The following SPN variants were observed in gnomAD, a reference collection of about 807,000 sequenced individuals.
SPN encodes the protein sialophorin.
A neutral mutation model predicts 8.4 loss-of-function variants in SPN; 6 were observed. That is an observed-to-expected ratio of 0.72 (90% CI 0.39 to 1.42). The LOEUF is 1.42. SPN is among the 40% of genes most tolerant of loss of function. The pLI is 0.02. For synonymous variants in SPN, 201 were observed against 222.6 expected (o/e 0.90, Z 0.86); for missense variants, 517 against 530.6 (o/e 0.97, Z 0.25).
rs202057074 is a variant in SPN, at chr16:29,663,756, G to A, written c.28G>A (p.Val10Met). The A allele has an allele frequency of 1.3e-6, 2 of 1,594,384 alleles. No homozygotes were observed. Among genetic ancestry groups the A allele is most frequent in the African/African-American group, 2.7e-5 (2 of 74,262 alleles). Residue 10 changes from valine to methionine, a missense_variant, in exon 2 of 2, where the codon GTG (valine) becomes ATG (methionine). By Grantham distance (21) the Val-to-Met change is conservative. Coordinates refer to ENST00000652691, the MANE Select transcript of SPN (RefSeq NM_003123.6). The surrounding 1 kb of genome is among the most constrained non-coding windows in gnomAD (Gnocchi z 4.3). ...GGCCACGCTTCTCCTTCTCCTTGGG[G>A]TGCTGGTGGTAAGCCCAGACGCTCT... is the stretch of plus-strand genomic sequence containing the variant. MATLLLLLG[V>M]LVVSPDALGS...
chr16:29,667,152 T>C lies in SPN; in HGVS notation c.*2221T>C, dbSNP rs991213420. ...TCTACCAGCCAGGCTGGGCACCCACTGGGCTGCATCTGGTGGCCTTTTCTG... is the reference window on the plus strand; with the variant it reads ...TCTACCAGCCAGGCTGGGCACCCACCGGGCTGCATCTGGTGGCCTTTTCTG... On this transcript the variant is annotated 3_prime_UTR_variant, in exon 2 of 2. Transcript: ENST00000652691. 17 of 402,676 alleles carry C rather than the reference T, an allele frequency of 4.2e-5. No homozygotes were observed. Among genetic ancestry groups the C allele is most frequent in the South Asian group, 2.9e-4 (16 of 55,888 alleles). 24.9% of individuals were successfully genotyped at this position (402,676 alleles called of 1,614,324 possible).
At position 29,665,086 on chromosome 16, in the gene SPN, C is replaced by T. The variant is rs374693741; in HGVS notation, c.*155C>T. ...TTTTTTTTCTTTTGAGACAGAGTTT[C>T]GCTTTGTCGCCCAGGCTGGAGTGCA... On this transcript the variant is annotated 3_prime_UTR_variant, in exon 2 of 2. Coordinates refer to ENST00000652691, the MANE Select transcript of SPN (RefSeq NM_003123.6). 17 of 900,012 alleles carry T rather than the reference C, an allele frequency of 1.9e-5. No individual in the cohort carries two copies. Among genetic ancestry groups the T allele is most frequent in the East Asian group, 6.6e-5 (2 of 30,136 alleles). The allele number at this position is 900,012 out of a possible 1,614,324, so 55.8% of individuals were successfully genotyped here.
chr16:29,664,349 G>A lies in SPN; in HGVS notation c.621G>A (p.Met207Ile), dbSNP rs879167394. ...GGACCACTGGACCCCCTGTTACCAT[G>A]ACAACTGGCTCTCTGGAGCCCTCCA... ...STGTTGPPVT[M>I]TTGSLEPSSG... Residue 207 changes from methionine (M) to isoleucine (I), a missense_variant, in exon 2 of 2, where the codon ATG (methionine) becomes ATA (isoleucine). Met to Ile is a conservative substitution (Grantham distance 10). Transcript: ENST00000652691. The surrounding 1 kb of genome is among the most constrained non-coding windows in gnomAD (Gnocchi z 6.4). 2 of 1,613,508 alleles carry A rather than the reference G, an allele frequency of 1.2e-6. No homozygotes were observed. The highest frequency in any genetic ancestry group is 1.1e-5 in the South Asian group (1 of 91,084).
In SPN at chr16:29,664,016, G is replaced by A. The variant is rs1243184337; in HGVS notation, c.288G>A (p.Gln96=). The change falls in exon 2 of 2, where the codon CAG becomes CAA. Residue 96 remains glutamine (Q), a synonymous_variant. Coordinates refer to ENST00000652691, the MANE Select transcript of SPN (RefSeq NM_003123.6). The surrounding 1 kb of genome is among the most constrained non-coding windows in gnomAD (Gnocchi z 6.4). ...CTTTACCTGAGCCAACAACCTACCA[G>A]GAAGTTTCCATCAAGATGTCATCAG... The part of the protein sequence containing the change: ...GSPLPEPTTY[Q]EVSIKMSSVP... 2.5e-6 allele frequency: 4 copies of A among 1,614,034 alleles called. No homozygotes were observed. The highest frequency in any genetic ancestry group is 3.4e-6 in the Non-Finnish European group (4 of 1,180,014).
Position 29,666,459 on chromosome 16 carries a change from C to A in SPN, c.*1528C>A, listed in dbSNP as rs1966810284. ...AGTTCTTCAGCTCAGCCATGGTAATCCCTTCCTTGAAGTCTCCATTTCTGC... is the reference window on the plus strand; with the variant it reads ...AGTTCTTCAGCTCAGCCATGGTAATACCTTCCTTGAAGTCTCCATTTCTGC... On this transcript the variant is annotated 3_prime_UTR_variant, in exon 2 of 2. Coordinates refer to ENST00000652691, the MANE Select transcript of SPN (RefSeq NM_003123.6). 1 of 169,338 alleles carries A rather than the reference C, an allele frequency of 5.9e-6. No homozygotes were observed. The highest frequency in any genetic ancestry group is 1.9e-4 in the East Asian group (1 of 5,190). The allele number at this position is 169,338 out of a possible 1,614,324, so 10.5% of individuals were successfully genotyped here.
In SPN at chr16:29,667,477, G is replaced by A. The variant is rs1966830886; in HGVS notation, c.*2546G>A. The A allele has an allele frequency of 5.7e-6, 1 of 174,002 alleles. No homozygotes were observed. The highest frequency in any genetic ancestry group is 1.4e-5 in the Non-Finnish European group (1 of 71,810). 10.8% of individuals were successfully genotyped at this position (174,002 alleles called of 1,614,324 possible). A position where few individuals can be genotyped will look rare whatever the true frequency, so the allele number is the denominator to read the frequency against. On this transcript the variant is annotated 3_prime_UTR_variant, in exon 2 of 2. Transcript: ENST00000652691. ...CAATCCAGAAAATATCAAAATATAAGTGTTAAAAGAGAGGCACAGGCCGGG... is the reference window on the plus strand; with the variant it reads ...CAATCCAGAAAATATCAAAATATAAATGTTAAAAGAGAGGCACAGGCCGGG...
Position 29,670,637 on chromosome 16 carries a change from A to G in SPN, c.*5706A>G, listed in dbSNP as rs1966848210. ...GTAATGACTTTGGAAAATACCAGCA[A>G]TATAATGTTAAGTGGGGAAAAAAGC... is the stretch of plus-strand genomic sequence containing the variant. On this transcript the variant is annotated 3_prime_UTR_variant, in exon 2 of 2. Transcript: ENST00000652691. 1 of 389,562 alleles carries G rather than the reference A, an allele frequency of 2.6e-6. No homozygotes were observed. Among genetic ancestry groups the G allele is most frequent in the Non-Finnish European group, 5.2e-6 (1 of 193,534 alleles). 24.1% of individuals were successfully genotyped at this position (389,562 alleles called of 1,614,324 possible).
chr16:29,664,498 C>T lies in SPN; in HGVS notation c.770C>T (p.Pro257Leu). ...NPDENSRGML[P>L]VAVLVALLAV... ...GATGAGAACTCACGAGGCATGCTGC[C>T]AGTGGCTGTGCTTGTGGCCCTGCTG... The change falls in exon 2 of 2, where the codon CCA becomes CTA. Residue 257 changes from proline (P) to leucine (L), a missense_variant. Coordinates refer to ENST00000652691, the MANE Select transcript of SPN (RefSeq NM_003123.6). The surrounding 1 kb of genome is among the most constrained non-coding windows in gnomAD (Gnocchi z 6.4). 1 of 1,614,248 alleles carries T rather than the reference C, an allele frequency of 6.2e-7. No homozygotes were observed. The highest frequency in any genetic ancestry group is 8.5e-7 in the Non-Finnish European group (1 of 1,180,042).
At position 29,669,979 on chromosome 16, in the gene SPN, G is replaced by A. The variant is rs947694070; in HGVS notation, c.*5048G>A. The A allele has an allele frequency of 6.0e-6, 1 of 166,978 alleles. No individual in the cohort carries two copies. Among genetic ancestry groups the A allele is most frequent in the Non-Finnish European group, 1.5e-5 (1 of 68,188 alleles). 10.3% of individuals were successfully genotyped at this position (166,978 alleles called of 1,614,324 possible). ...GGCTGAGGCGGGCAGATCACCTGAGGTCAGGAGTTGGAGACCAGCCTGGGC... is the reference window on the plus strand; with the variant it reads ...GGCTGAGGCGGGCAGATCACCTGAGATCAGGAGTTGGAGACCAGCCTGGGC... On this transcript the variant is annotated 3_prime_UTR_variant, in exon 2 of 2. Transcript: ENST00000652691.
At position 29,670,632 on chromosome 16, in the gene SPN, C is replaced by T; in HGVS notation, c.*5701C>T. On this transcript the variant is annotated 3_prime_UTR_variant, in exon 2 of 2. Transcript: ENST00000652691. ...ATTATGTAATGACTTTGGAAAATACCAGCAATATAATGTTAAGTGGGGAAA... is the reference window on the plus strand; with the variant it reads ...ATTATGTAATGACTTTGGAAAATACTAGCAATATAATGTTAAGTGGGGAAA... 5 of 353,136 alleles carry T rather than the reference C, an allele frequency of 1.4e-5. No homozygotes were observed. The highest frequency in any genetic ancestry group is 2.1e-5 in the South Asian group (1 of 47,854). The allele number at this position is 353,136 out of a possible 1,614,324, so 21.9% of individuals were successfully genotyped here.
At position 29,664,712 on chromosome 16, in the gene SPN, T is replaced by C. The variant is rs77460663; in HGVS notation, c.984T>C (p.Ser328=). The C allele has an allele frequency of 3.4e-6, 5 of 1,480,170 alleles. No homozygotes were observed. The highest frequency in any genetic ancestry group is 1.4e-5 in the African/African-American group (1 of 70,916). 91.7% of individuals were successfully genotyped at this position (1,480,170 alleles called of 1,614,324 possible). A position where few individuals can be genotyped will look rare whatever the true frequency, so the allele number is the denominator to read the frequency against. ...GAGGGTCCGGGGGCGACAAGGGCTC[T>C]GGGTTCCCCGATGGGGAGGGGTCTA... ...TVGGSGGDKG[S]GFPDGEGSSR... Residue 328 remains serine (S), a synonymous_variant, in exon 2 of 2, where the codon TCT becomes TCC. Coordinates refer to ENST00000652691, the MANE Select transcript of SPN (RefSeq NM_003123.6). This position sits in a 1 kb window ranked among gnomAD's most constrained non-coding sequence, Gnocchi z 6.4.
Position 29,665,948 on chromosome 16 carries a change from G to A in SPN, c.*1017G>A, listed in dbSNP as rs962551764. ...CCAGAGGCCTCACGGTTTCTCCTCC[G>A]AGTTTCTGGCTGGGTGTAGTTCTCA... is the stretch of plus-strand genomic sequence containing the variant. On this transcript the variant is annotated 3_prime_UTR_variant, in exon 2 of 2. Coordinates refer to ENST00000652691, the MANE Select transcript of SPN (RefSeq NM_003123.6). 7 of 167,154 alleles carry A rather than the reference G, an allele frequency of 4.2e-5. No individual in the cohort carries two copies. Among genetic ancestry groups the A allele is most frequent in the Admixed American group, 1.3e-4 (2 of 15,272 alleles). 10.4% of individuals were successfully genotyped at this position (167,154 alleles called of 1,614,324 possible). A position where few individuals can be genotyped will look rare whatever the true frequency, so the allele number is the denominator to read the frequency against.
rs1227126096 is a variant in SPN, at chr16:29,668,013, T to A, written c.*3082T>A. On this transcript the variant is annotated 3_prime_UTR_variant, in exon 2 of 2. Transcript: ENST00000652691. ...GTGCGCGCATGTGTGTGTGCATGCA[T>A]GTTCTCCCATGCATGTGTACTGTGG... 1 of 167,076 alleles carries A rather than the reference T, an allele frequency of 6.0e-6. No individual in the cohort carries two copies. The allele number at this position is 167,076 out of a possible 1,614,324, so 10.3% of individuals were successfully genotyped here. A position where few individuals can be genotyped will look rare whatever the true frequency, so the allele number is the denominator to read the frequency against.
In SPN at chr16:29,666,986, C is replaced by T. The variant is rs2142283688; in HGVS notation, c.*2055C>T. 1 of 470,848 alleles carries T rather than the reference C, an allele frequency of 2.1e-6. No individual in the cohort carries two copies. Among genetic ancestry groups the T allele is most frequent in the African/African-American group, 2.0e-5 (1 of 50,182 alleles). The allele number at this position is 470,848 out of a possible 1,614,324, so 29.2% of individuals were successfully genotyped here. ...AGGGGAGGCATGTGAGTGTGACAGCCCTGCTCTGTGGCCTGGGCAGGAGAT... is the reference window on the plus strand; with the variant it reads ...AGGGGAGGCATGTGAGTGTGACAGCTCTGCTCTGTGGCCTGGGCAGGAGAT... On this transcript the variant is annotated 3_prime_UTR_variant, in exon 2 of 2. Coordinates refer to ENST00000652691, the MANE Select transcript of SPN (RefSeq NM_003123.6).
chr16:29,670,490 G>GA lies in SPN; in HGVS notation c.*5566dup. Reference sequence around the variant, plus strand: ...GGCGACAGAGCAAGACTCCGTCTTGGAAAAAAATTTAAAAAAAGAAAATAT... The same window carrying GA: ...GGCGACAGAGCAAGACTCCGTCTTGGAAAAAAAATTTAAAAAAAGAAAATAT... On this transcript the variant is annotated 3_prime_UTR_variant, in exon 2 of 2. Transcript: ENST00000652691. 5.5e-6 allele frequency: 1 copy of GA among 180,982 alleles called. No homozygotes were observed. The highest frequency in any genetic ancestry group is 1.2e-5 in the Non-Finnish European group (1 of 86,854). The allele number at this position is 180,982 out of a possible 1,614,324, so 11.2% of individuals were successfully genotyped here. A position where few individuals can be genotyped will look rare whatever the true frequency, so the allele number is the denominator to read the frequency against.
rs547509155 is a variant in SPN, at chr16:29,666,002, C to T, written c.*1071C>T. On this transcript the variant is annotated 3_prime_UTR_variant, in exon 2 of 2. Transcript: ENST00000652691. ...ACCCCAGTGCCTGCGTGTGTCCACT[C>T]GTGGGTGTGGTTTGTGTGCAAGAGC... 1.1e-4 allele frequency: 18 copies of T among 167,248 alleles called. No homozygotes were observed. Among genetic ancestry groups the T allele is most frequent in the African/African-American group, 3.6e-4 (15 of 41,554 alleles). 10.4% of individuals were successfully genotyped at this position (167,248 alleles called of 1,614,324 possible). A position where few individuals can be genotyped will look rare whatever the true frequency, so the allele number is the denominator to read the frequency against.
Position 29,666,651 on chromosome 16 carries a change from T to G in SPN, c.*1720T>G. The stretch of plus-strand genomic sequence containing the variant: ...TGGCTGGCGCTTCCCCACTGCACGT[T>G]TCCAGGTTTAGTTTGTCTGTGTCTC... On this transcript the variant is annotated 3_prime_UTR_variant, in exon 2 of 2. Coordinates refer to ENST00000652691, the MANE Select transcript of SPN (RefSeq NM_003123.6). 1 of 311,540 alleles carries G rather than the reference T, an allele frequency of 3.2e-6. No homozygotes were observed. The highest frequency in any genetic ancestry group is 3.1e-5 in the South Asian group (1 of 32,496). The allele number at this position is 311,540 out of a possible 1,614,324, so 19.3% of individuals were successfully genotyped here. A position where few individuals can be genotyped will look rare whatever the true frequency, so the allele number is the denominator to read the frequency against.
chr16:29,667,954 GTA>G lies in SPN; in HGVS notation c.*3025_*3026del, dbSNP rs1452798001. ...TGCGTGCGTGCATGTGCCTGTGTGT[GTA>G]TGTGTGCACATGTGTGTGCGCATGT... On this transcript the variant is annotated 3_prime_UTR_variant, in exon 2 of 2. Coordinates refer to ENST00000652691, the MANE Select transcript of SPN (RefSeq NM_003123.6). The G allele has an allele frequency of 2.4e-5, 4 of 166,750 alleles. No homozygotes were observed. The highest frequency in any genetic ancestry group is 7.3e-5 in the African/African-American group (3 of 41,296). 10.3% of individuals were successfully genotyped at this position (166,750 alleles called of 1,614,324 possible). A position where few individuals can be genotyped will look rare whatever the true frequency, so the allele number is the denominator to read the frequency against.
rs192438004 is a variant in SPN at position 29,663,475 on chromosome 16, T to C, written c.-35+159T>C. 2.6e-5 allele frequency among the ~76,000 whole-genome samples: 4 copies of C among 152,266 alleles called. No homozygotes were observed. The highest frequency in any genetic ancestry group is 6.5e-5 in the Admixed American group (1 of 15,280). On this transcript the variant is annotated intron_variant, in intron 1 of 1. Transcript: ENST00000652691. This position sits in a 1 kb window ranked among gnomAD's most constrained non-coding sequence, Gnocchi z 4.3. ...GGAGGGGCTGGTCACTGCTGGAATC[T>C]AAGCTGCTGAGGCTGGAGGGAGCCT...
Sources: allele counts gnomAD v4.1 joint callset (sites outside exome capture counted in the v4.1 genomes callset), GRCh38; gene constraint gnomAD v4.1.1; non-coding constraint Gnocchi (gnomAD v3.1); transcripts MANE v1.5; gene names NCBI Gene and HGNC (gene_info 2026-07-23, HGNC 2026-07-21).